ADGRG1: variants seen among roughly 807,000 people sequenced by gnomAD.
The protein encoded by ADGRG1 is 7-transmembrane protein with no EGF-like N-terminal domains-1.
In ADGRG1, 53 loss-of-function variants were observed where a neutral mutation model predicts 73.5. The ratio of observed to expected loss-of-function variants is 0.72; its 90% CI spans 0.58 to 0.91. ADGRG1 has a LOEUF of 0.91. ADGRG1 is among the 40% of genes least tolerant of loss of function. The pLI is 0.00. For synonymous variants in ADGRG1, 394 were observed against 374.4 expected (o/e 1.05, Z -0.60); for missense variants, 795 against 871.8 (o/e 0.91, Z 1.11).
chr16:57,664,373 C>T lies in ADGRG1; in HGVS notation c.*791C>T, dbSNP rs57937322. 5,334 of 152,466 alleles carry T rather than the reference C, an allele frequency of 0.035. 318 individuals are homozygous for T. The highest frequency in any genetic ancestry group is 0.12 in the African/African-American group (5,024 of 41,534). The allele number at this position is 152,466 out of a possible 1,614,324, so 9.4% of individuals were successfully genotyped here. A position where few individuals can be genotyped will look rare whatever the true frequency, so the allele number is the denominator to read the frequency against. ...CCTGCCCCTGAGCCAGGCTCGGTAC[C>T]GATGCGTGGGCTGGGCTAGGTCCCT... On this transcript the variant is annotated 3_prime_UTR_variant, in exon 14 of 14. Coordinates refer to ENST00000562631, the MANE Select transcript of ADGRG1 (RefSeq NM_201525.4).
upstream of ADGRG1, chr16:57,623,326 C>T (rs1269253133): frequency 9.8e-6 from 7 of 716,128 alleles, no homozygotes; most frequent in Non-Finnish European, 3.4e-6. Context: ...TCCCTGACCA[C>T]AAGCTCCAGC....
chr16:57,629,205 G>C, intron 1 of ADGRG1: 3 of 982,850 alleles, frequency 3.1e-6, no homozygotes, highest in Non-Finnish European at 3.6e-6. Context: ...TCTAGTCCAG[G>C]TCAGCATGGC....
rs76305347 is a variant in ADGRG1, at chr16:57,658,931, A to C, written c.1287-482A>C. 0.011 allele frequency: 10,116 copies of C among 948,724 alleles called. 448 individuals are homozygous for C. In the East Asian group the frequency reaches 0.2, roughly 19 times the overall value. The allele number at this position is 948,724 out of a possible 1,614,324, so 58.8% of individuals were successfully genotyped here. Reference sequence around the variant, plus strand: ...ATGTTCTGCTGCACCCTCTAGGGCCATGTAGAATCCTGGAGTGGGGGTGGG... The same window carrying C: ...ATGTTCTGCTGCACCCTCTAGGGCCCTGTAGAATCCTGGAGTGGGGGTGGG... On this transcript the variant is annotated intron_variant, in intron 10 of 13. Coordinates refer to ENST00000562631, the MANE Select transcript of ADGRG1 (RefSeq NM_201525.4).
chr16:57,663,139 A>G (rs758862768), intron 13 of ADGRG1: 353 of 938,838 alleles, frequency 3.8e-4, no homozygotes, highest in Non-Finnish European at 4.2e-4. Flanking sequence ...CCTGTTCACC[A>G]CAGTTTGAGC....
intron 1 of ADGRG1, chr16:57,639,829 C>T (rs1262092184): frequency 3.2e-6 from 3 of 927,758 alleles, no homozygotes; most frequent in South Asian, 9.9e-5. Context: ...TTTCCTCTCC[C>T]GTGCATTCCC....
rs780953632 is a variant in ADGRG1 at position 57,660,777 on chromosome 16, T to A, written c.1565T>A (p.Ile522Asn). The change falls in exon 12 of 14, where the codon ATC (isoleucine) becomes AAC (asparagine). Residue 522 changes from isoleucine to asparagine, a missense_variant. Physicochemically the swap from Ile to Asn is moderately radical, Grantham distance 149. Transcript: ENST00000562631. ...GCATTGCCACCCTCAGGCTTCCCCA[T>A]CTTTCTGGTGACGCTGGTGGCCCTG... ...KLSAMGWGFPIFLVTLVALVD... is the reference protein window; with the variant it reads ...KLSAMGWGFPNFLVTLVALVD... The A allele has an allele frequency of 6.2e-7, 1 of 1,609,920 alleles. No individual in the cohort carries two copies. The highest frequency in any genetic ancestry group is 8.5e-7 in the Non-Finnish European group (1 of 1,176,506).
upstream of ADGRG1, chr16:57,623,306 G>A (rs2035220167): frequency 1.2e-6 from 1 of 853,364 alleles, no homozygotes. Flanking sequence ...GGCATCCGGG[G>A]AGTGCCTCCT....
At chr16:57,649,026 G>A (rs141666307) in intron 1 of ADGRG1, among the ~76,000 whole-genome samples, 2 of 152,360 alleles carry the variant, frequency 1.3e-5, no homozygotes, top group East Asian at 1.9e-4. Context: ...GGGGTGGGAT[G>A]GGTCAACACA....
At chr16:57,633,438 T>C (rs763735339) in intron 1 of ADGRG1, 22 of 985,196 alleles carry the variant, frequency 2.2e-5, no homozygotes, top group East Asian at 1.1e-4. Context: ...CCACACGTCA[T>C]AGGGGCTCAT....
At position 57,663,522 on chromosome 16, in the gene ADGRG1, C is replaced by T; in HGVS notation, c.2004C>T (p.Ser668=). The T allele has an allele frequency of 6.2e-7, 1 of 1,613,906 alleles. No homozygotes were observed. Among genetic ancestry groups the T allele is most frequent in the Non-Finnish European group, 8.5e-7 (1 of 1,179,918 alleles). The part of the protein sequence containing the change: ...QARGGPSPLK[S]NSDSARLPIS... ...GGGGTGGCCCCTCCCCTCTGAAGAG[C>T]AACTCAGACAGCGCCAGGCTCCCCA... is the stretch of plus-strand genomic sequence containing the variant. Residue 668 remains serine (S), a synonymous_variant, in exon 14 of 14, where the codon AGC becomes AGT. Transcript: ENST00000562631.
intron 1 of ADGRG1, chr16:57,636,731 T>G: frequency 1.0e-6 from 1 of 981,984 alleles, no homozygotes; most frequent in Non-Finnish European, 1.2e-6. Flanking sequence ...CATTTACTCA[T>G]CCAGCAGTCA....
chr16:57,645,233 G>T, intron 1 of ADGRG1: 1 of 985,452 alleles, frequency 1.0e-6, no homozygotes, highest in Non-Finnish European at 1.2e-6. Context: ...TGGAAGTTGA[G>T]CTGGGGGGGT....
chr16:57,660,007 A>G (rs1340329860), intron 11 of ADGRG1, among the ~76,000 whole-genome samples: 4 of 152,216 alleles, frequency 2.6e-5, no homozygotes, highest in African/African-American at 9.6e-5. Flanking sequence ...GCTGAAATCC[A>G]GTCCCGCTCC....
chr16:57,624,684 C>T, upstream of ADGRG1: 1 of 981,524 alleles, frequency 1.0e-6, no homozygotes, highest in Non-Finnish European at 1.2e-6. Flanking sequence ...CCCACCATGT[C>T]TTCCTACTCC....
intron 11 of ADGRG1, chr16:57,660,160 C>G: frequency 8.6e-6 from 6 of 696,072 alleles, no homozygotes; most frequent in Non-Finnish European, 8.8e-6. Flanking sequence ...TATGTCAGAC[C>G]TACAGCCCAG....
At chr16:57,623,131 T>G, upstream of ADGRG1, 1 of 972,662 alleles carries the variant, frequency 1.0e-6, no homozygotes, top group Non-Finnish European at 1.2e-6. Flanking sequence ...CTCTCACAAA[T>G]GGGGCAAATC....
At chr16:57,643,799 G>A in intron 1 of ADGRG1, 1 of 984,966 alleles carries the variant, frequency 1.0e-6, no homozygotes. Context: ...CACTCACTTG[G>A]GGAGTGGGAA....
chr16:57,624,373 T>C (rs1223753433), upstream of ADGRG1: 2 of 153,658 alleles, frequency 1.3e-5, no homozygotes, highest in Non-Finnish European at 2.9e-5. Context: ...TGGTGGGGCA[T>C]GCCTATAGTC....
chr16:57,648,437 A>G, intron 1 of ADGRG1: 1 of 981,872 alleles, frequency 1.0e-6, no homozygotes, highest in Non-Finnish European at 1.2e-6. Context: ...TGATGTGCCT[A>G]TTTGACCTAC....
Sources: gnomAD v4.1 joint callset for allele counts (sites outside exome capture counted in the v4.1 genomes callset) on GRCh38, gnomAD v4.1.1 for gene constraint, MANE v1.5 for transcripts, NCBI Gene and HGNC (gene_info 2026-07-23, HGNC 2026-07-21) for gene names.